Variants in SETD5 observed in about 807,000 individuals in gnomAD.
SETD5 encodes the protein SET domain containing 5.
In SETD5, 44 loss-of-function variants were observed where a neutral mutation model predicts 153.3. The ratio of observed to expected loss-of-function variants is 0.29; its 90% CI spans 0.23 to 0.37. SETD5 has a LOEUF of 0.37. Ranked by LOEUF, SETD5 falls within the 10% of genes least tolerant of loss-of-function variation. The pLI is 1.00. For missense variants in SETD5, 1,544 were observed against 1,768.0 expected (o/e 0.87, Z 2.27); for synonymous variants, 716 against 645.2 (o/e 1.11, Z -1.66).
chr3:9,427,231 T>C (rs2039382716), intron 2 of SETD5, among the ~76,000 whole-genome samples: 1 of 152,146 alleles, frequency 6.6e-6, no homozygotes. Context: ...GATTGGAGCA[T>C]CTCAGACCAT....
Position 9,470,527 on chromosome 3 carries a change from T to C in SETD5, c.2793T>C (p.Ala931=). Residue 931 remains alanine (A), a synonymous_variant, in exon 19 of 23, where the codon GCT becomes GCC. Coordinates refer to ENST00000402198, the MANE Select transcript of SETD5 (RefSeq NM_001080517.3). ...GYLDSNTNSC[A]DRPSLLNSGH... is the part of the protein sequence containing the mutation. ...TTGACTCCAACACTAACAGCTGTGC[T>C]GATAGACCTTCCCTACTCAACTCAG... is the stretch of plus-strand genomic sequence containing the variant. 6.2e-7 allele frequency: 1 copy of C among 1,614,026 alleles called. No individual in the cohort carries two copies. The highest frequency in any genetic ancestry group is 8.5e-7 in the Non-Finnish European group (1 of 1,179,896).
At chr3:9,415,556 G>T (rs2037281777) in intron 1 of SETD5, among the ~76,000 whole-genome samples, 1 of 152,056 alleles carries the variant, frequency 6.6e-6, no homozygotes, top group African/African-American at 2.4e-5. Context: ...GTTGGTCGTT[G>T]TCTTCCATTG....
At chr3:9,445,554 A>G in intron 12 of SETD5, 103 bp from the exon 13 acceptor site, 1 of 1,059,756 alleles carries the variant, frequency 9.4e-7, no homozygotes, top group South Asian at 1.5e-5. Context: ...TTAACAGTTT[A>G]AAGCACTAGA....
chr3:9,451,602 C>T (rs1369841616), intron 16 of SETD5, among the ~76,000 whole-genome samples: 1 of 152,166 alleles, frequency 6.6e-6, no homozygotes, highest in Non-Finnish European at 1.5e-5. Context: ...CACACCACCA[C>T]GCCTGGCTAA....
At chr3:9,424,764 G>A (rs2038898851) in intron 2 of SETD5, among the ~76,000 whole-genome samples, 2 of 152,096 alleles carry the variant, frequency 1.3e-5, no homozygotes, top group South Asian at 4.1e-4. Flanking sequence ...AGAAAATACT[G>A]CATTTAGATG....
At chr3:9,412,389 T>G (rs1195232916) in intron 1 of SETD5, among the ~76,000 whole-genome samples, 50 of 109,908 alleles carry the variant, frequency 4.5e-4, no homozygotes, top group African/African-American at 2.9e-3. Context: ...AGTTTTGGGT[T>G]TTTTTTTTTT....
At chr3:9,465,331 A>G (rs1273027572) in intron 18 of SETD5, among the ~76,000 whole-genome samples, 2 of 152,212 alleles carry the variant, frequency 1.3e-5, no homozygotes, top group East Asian at 3.8e-4. Context: ...GCTGTTTCAA[A>G]AAGTAATCTT....
chr3:9,460,161 T>C (rs2043782939), intron 17 of SETD5, among the ~76,000 whole-genome samples: 1 of 151,578 alleles, frequency 6.6e-6, no homozygotes, highest in Admixed American at 6.6e-5. Flanking sequence ...GAAAAACTGG[T>C]AGAGATTAAT....
rs1168454544 is a variant in SETD5 at position 9,447,129 on chromosome 3, C to A, written c.1604C>A (p.Pro535His). Residue 535 changes from proline to histidine, a missense_variant, in exon 14 of 23, where the codon CCC becomes CAC. This residue lies in a region of SETD5 where 782 missense variants were observed against 787.2 expected (regional missense o/e 0.99). Transcript: ENST00000402198. ...AAAAGAAAGAAGCGGCGGGATCAGCCCTTGGAACAGAGCAACTCTGATGTA... is the reference window on the plus strand; with the variant it reads ...AAAAGAAAGAAGCGGCGGGATCAGCACTTGGAACAGAGCAACTCTGATGTA... ...LEKRKKRRDQ[P>H]LEQSNSDVEI... 1.2e-6 allele frequency: 2 copies of A among 1,613,968 alleles called. No individual in the cohort carries two copies. The highest frequency in any genetic ancestry group is 1.6e-4 in the Middle Eastern group (1 of 6,062).
At chr3:9,401,201 T>C (rs996793692) in intron 1 of SETD5, among the ~76,000 whole-genome samples, 12 of 152,204 alleles carry the variant, frequency 7.9e-5, no homozygotes, top group Non-Finnish European at 1.5e-5. Context: ...TTTTAGGAGG[T>C]TCCAATTCTT....
At chr3:9,424,901 CTCA>C (rs1264656574) in intron 2 of SETD5, among the ~76,000 whole-genome samples, 1 of 151,966 alleles carries the variant, frequency 6.6e-6, no homozygotes, top group African/African-American at 2.4e-5. Flanking sequence ...ATTAAGAAGC[CTCA>C]TCATTATTAA....
At chr3:9,461,042 C>G (rs532489760) in intron 17 of SETD5, among the ~76,000 whole-genome samples, 1 of 152,178 alleles carries the variant, frequency 6.6e-6, no homozygotes, top group Middle Eastern at 3.4e-3. Context: ...TGGGAAAATA[C>G]ATTTGTAATT....
chr3:9,414,688 A>G (rs1353683641), intron 1 of SETD5, among the ~76,000 whole-genome samples: 2 of 152,170 alleles, frequency 1.3e-5, no homozygotes, highest in Non-Finnish European at 2.9e-5. Context: ...TATTCTCCTC[A>G]TCAACAGATG....
At chr3:9,445,948 G>T (rs1411928406) in intron 13 of SETD5, among the ~76,000 whole-genome samples, 1 of 131,944 alleles carries the variant, frequency 7.6e-6, no homozygotes, top group African/African-American at 3.1e-5. Context: ...ATTATCTAGT[G>T]ATGGTTTGAA....
At chr3:9,439,769 A>G (rs1197891184) in intron 7 of SETD5, among the ~76,000 whole-genome samples, 3 of 152,174 alleles carry the variant, frequency 2.0e-5, no homozygotes, top group Non-Finnish European at 4.4e-5. Flanking sequence ...TATTCTCCCT[A>G]CCTACTCCTC....
chr3:9,415,853 C>G (rs1371771594), intron 1 of SETD5, among the ~76,000 whole-genome samples: 1 of 150,868 alleles, frequency 6.6e-6, no homozygotes, highest in Non-Finnish European at 1.5e-5. Context: ...GTGAGCCACC[C>G]TGCCCAGCCC....
chr3:9,425,055 CTTTTTTT>C (rs778883904), intron 2 of SETD5, among the ~76,000 whole-genome samples: 23 of 83,642 alleles, frequency 2.7e-4, no homozygotes, highest in Admixed American at 2.8e-4. Context: ...GACAATGTTT[CTTTTTTT>C]TTTTTTTTTT....
chr3:9,474,770 T>TC (rs1191670945), intron 21 of SETD5, 188 bp downstream of exon 21: 1 of 761,896 alleles, frequency 1.3e-6, no homozygotes, highest in Non-Finnish European at 2.1e-6. Context: ...TTGCTTGCTC[T>TC]CTGTCTGCTC....
chr3:9,455,094 TCTTA>T (rs1161638516), intron 17 of SETD5, among the ~76,000 whole-genome samples: 5 of 151,936 alleles, frequency 3.3e-5, no homozygotes, highest in Non-Finnish European at 2.9e-5. Flanking sequence ...TTCTTAAAGT[TCTTA>T]CTTCATTTGG....
Sources: allele counts gnomAD v4.1 joint callset (sites outside exome capture counted in the v4.1 genomes callset), GRCh38; gene constraint gnomAD v4.1.1; regional missense constraint gnomAD v4.1.1; transcripts MANE v1.5; gene names NCBI Gene and HGNC (gene_info 2026-07-23, HGNC 2026-07-21).